OLFML2B: variants seen among roughly 807,000 people sequenced by gnomAD.
OLFML2B encodes the protein olfactomedin like 2B, also known as olfactomedin-like protein 2B.
OLFML2B carries 57 observed loss-of-function variants against 74.9 expected under a neutral mutation model. That is an observed-to-expected ratio of 0.76 (90% CI 0.61 to 0.95). The LOEUF (loss-of-function observed/expected upper bound fraction) is 0.95. Among genes scored for constraint, OLFML2B ranks in the 40% least tolerant of loss-of-function variants. The probability of loss-of-function intolerance (pLI) is 0.00; values close to 1 mark genes in which losing one functional copy is unlikely to be tolerated. For synonymous variants in OLFML2B, 388 were observed against 405.8 expected, an observed-to-expected ratio of 0.96 and a Z score of 0.53; for missense variants, 986 against 970.6, an observed-to-expected ratio of 1.02 and a Z score of -0.21.
At chr1:161,988,518 T>C (rs1427619841) in intron 6 of OLFML2B, among the ~76,000 whole-genome samples, 1 of 152,132 alleles carries the variant, frequency 6.6e-6, no homozygotes, top group Admixed American at 6.5e-5. Flanking sequence ...CTCTGTTTTT[T>C]GCTTGGAAAC....
In OLFML2B at chr1:161,998,325, T is replaced by C. The variant is rs765068276; in HGVS notation, c.974A>G (p.Asn325Ser). 3.2e-6 allele frequency: 5 copies of C among 1,562,038 alleles called. No individual in the cohort carries two copies. Among genetic ancestry groups the C allele is most frequent in the Admixed American group, 3.7e-5 (2 of 54,462 alleles). Residue 325 changes from asparagine (N) to serine (S), a missense_variant, in exon 6 of 8, where the codon AAT becomes AGT. By Grantham distance (46) the Asn-to-Ser change is conservative (BLOSUM62 1). Transcript: ENST00000294794. Reference protein sequence around the residue: ...EQQDEFFSGDNGVDLLIEDQL... With the variant: ...EQQDEFFSGDSGVDLLIEDQL... The stretch of plus-strand genomic sequence containing the variant: ...ATCTTCAATCAGCAAATCCACTCCA[T>C]TGTCACCGCTGAAAAACTCATCTTC...
chr1:162,023,140 C>CT lies in OLFML2B; in HGVS notation c.174+116dup, dbSNP rs1266385619. 4.6e-5 allele frequency: 46 copies of CT among 1,002,274 alleles called. No homozygotes were observed. In the Admixed American group the frequency reaches 5.7e-4, roughly 12 times the overall value. 62.1% of individuals were successfully genotyped at this position (1,002,274 alleles called of 1,614,324 possible). A position where few individuals can be genotyped will look rare whatever the true frequency, so the allele number is the denominator to read the frequency against. On this transcript the variant is annotated intron_variant, in intron 1 of 7. Coordinates refer to ENST00000294794, the MANE Select transcript of OLFML2B (RefSeq NM_015441.3). ...TCCGATACATGAAAAATCAAAAGCC[C>CT]TTTCCATTGGTAATGGAAGGAAAAA...
intron 3 of OLFML2B, among the ~76,000 whole-genome samples, chr1:162,010,990 T>C (rs919699742): frequency 6.6e-6 from 1 of 151,990 alleles, no homozygotes; most frequent in African/African-American, 2.4e-5. Context: ...GAGGGACCCT[T>C]GGGGTCTCCA....
chr1:162,022,265 T>TTTG lies in OLFML2B; in HGVS notation c.174+991_174+992insCAA, dbSNP rs1310471067. ...TCTTCTTTTTTTTTTTTTTTTTTTTTTTTGAGACGGAGTCTCACTCTGTCA... is the reference window on the plus strand; with the variant it reads ...TCTTCTTTTTTTTTTTTTTTTTTTTTTTGTTTGAGACGGAGTCTCACTCTGTCA... On this transcript the variant is annotated intron_variant, in intron 1 of 7. Coordinates refer to ENST00000294794, the MANE Select transcript of OLFML2B (RefSeq NM_015441.3). 6.2e-4 allele frequency among the ~76,000 whole-genome samples: 89 copies of TTTG among 144,300 alleles called. 1 individual carries two copies. The highest frequency in any genetic ancestry group is 2.2e-3 in the African/African-American group (85 of 38,636). 94.7% of individuals were successfully genotyped at this position (144,300 alleles called of 152,430 possible).
At position 162,020,155 on chromosome 1, in the gene OLFML2B, C is replaced by G. The variant is rs775899611; in HGVS notation, c.202G>C (p.Ala68Pro). The G allele has an allele frequency of 1.9e-6, 3 of 1,614,066 alleles. No individual in the cohort carries two copies. Among genetic ancestry groups the G allele is most frequent in the Non-Finnish European group, 2.5e-6 (3 of 1,180,024 alleles). The change falls in exon 2 of 8, where the codon GCT becomes CCT. Residue 68 changes from alanine (A) to proline (P), a missense_variant. Transcript: ENST00000294794. The stretch of plus-strand genomic sequence containing the variant: ...TGACAGTCCGAGCCCTCAGACATAG[C>G]CTTGACCTTGTCATAGTCCCCCAGC... The part of the protein sequence containing the change: ...QLLGDYDKVK[A>P]MSEGSDCQCK...
chr1:162,003,244 C>T (rs1450390219), intron 4 of OLFML2B, among the ~76,000 whole-genome samples: 1 of 152,220 alleles, frequency 6.6e-6, no homozygotes, highest in Non-Finnish European at 1.5e-5. Flanking sequence ...TGGGAGATCC[C>T]TCATTTCCCA....
chr1:162,008,722 C>T (rs1198577720), intron 3 of OLFML2B, among the ~76,000 whole-genome samples: 1 of 152,160 alleles, frequency 6.6e-6, no homozygotes, highest in Non-Finnish European at 1.5e-5. Flanking sequence ...GAATCAGTAT[C>T]TGTATTTTAA....
intron 3 of OLFML2B, among the ~76,000 whole-genome samples, chr1:162,009,634 C>A (rs1052432193): frequency 6.6e-6 from 1 of 152,222 alleles, no homozygotes; most frequent in African/African-American, 2.4e-5. Context: ...ATTCCCCTCA[C>A]GGGAATGGCA....
chr1:162,002,692 T>C (rs759433184), intron 4 of OLFML2B, among the ~76,000 whole-genome samples: 1 of 152,140 alleles, frequency 6.6e-6, no homozygotes, highest in Non-Finnish European at 1.5e-5. Flanking sequence ...CAGCACACAG[T>C]GGTGACCGAC....
At chr1:162,012,773 T>C (rs1172102713) in intron 3 of OLFML2B, among the ~76,000 whole-genome samples, 1 of 152,102 alleles carries the variant, frequency 6.6e-6, no homozygotes, top group African/African-American at 2.4e-5. Context: ...CAAGCACTTA[T>C]AAACACTTAC....
In OLFML2B at chr1:161,987,975, T is replaced by C. The variant is rs1170831505; in HGVS notation, c.1475-2995A>G. Among the ~76,000 whole-genome samples, 3 of 152,198 alleles carry C rather than the reference T, an allele frequency of 2.0e-5. 1 individual carries two copies. Among genetic ancestry groups the C allele is most frequent in the Non-Finnish European group, 1.5e-5 (1 of 68,006 alleles). The stretch of plus-strand genomic sequence containing the variant: ...GACGCATCACTGTGCTCTGAGAATC[T>C]GGGGCAGCTCAGATGCTCCCACACT... On this transcript the variant is annotated intron_variant, in intron 6 of 7. Coordinates refer to ENST00000294794, the MANE Select transcript of OLFML2B (RefSeq NM_015441.3).
chr1:161,992,680 G>T (rs1052058344), intron 6 of OLFML2B, among the ~76,000 whole-genome samples: 1 of 152,190 alleles, frequency 6.6e-6, no homozygotes, highest in Non-Finnish European at 1.5e-5. Context: ...GAGGCCCAAG[G>T]AGTGGGAGAG....
In OLFML2B at chr1:161,983,978, C is replaced by T. The variant is rs1286809124; in HGVS notation, c.1950G>A (p.Lys650=). The change falls in exon 8 of 8, where the codon AAG becomes AAA. Residue 650 remains lysine (K), a synonymous_variant. Transcript: ENST00000294794. ...GFSQEVIVLS[K]LNAADLSTQK... ...GTGTGCTCAGGTCCGCGGCATTGAG[C>T]TTGCTCAGGACAATGACCTCCTGGC... is the stretch of plus-strand genomic sequence containing the variant. 1 of 1,614,246 alleles carries T rather than the reference C, an allele frequency of 6.2e-7. No homozygotes were observed. Among genetic ancestry groups the T allele is most frequent in the Non-Finnish European group, 8.5e-7 (1 of 1,180,048 alleles).
At chr1:161,984,677 C>G in intron 7 of OLFML2B, 127 bp downstream of exon 7, 1 of 1,004,012 alleles carries the variant, frequency 1.0e-6, no homozygotes. Context: ...AGGAAAGGTC[C>G]TTTAGCCATC....
At chr1:161,990,720 A>G (rs1053745045) in intron 6 of OLFML2B, among the ~76,000 whole-genome samples, 2 of 152,158 alleles carry the variant, frequency 1.3e-5, no homozygotes, top group African/African-American at 4.8e-5. Context: ...TGCTGCATCA[A>G]TTGACTCTTC....
chr1:161,984,232 T>G lies in OLFML2B; in HGVS notation c.1696A>C (p.Thr566Pro). The G allele has an allele frequency of 2.6e-6, 4 of 1,542,762 alleles. No individual in the cohort carries two copies. The highest frequency in any genetic ancestry group is 2.6e-6 in the Non-Finnish European group (3 of 1,146,180). The stretch of plus-strand genomic sequence containing the variant: ...GCGCCATTGTATACCACGTGGCCTG[T>G]GCCGATCCAGCTGTACGGGAGCTTG... ...SYKLPYSWIG[T>P]GHVVYNGAFY... Residue 566 changes from threonine to proline, a missense_variant, in exon 8 of 8, where the codon ACA (threonine) becomes CCA (proline). Physicochemically the swap from Thr to Pro is conservative, Grantham distance 38. Coordinates refer to ENST00000294794, the MANE Select transcript of OLFML2B (RefSeq NM_015441.3).
intron 3 of OLFML2B, among the ~76,000 whole-genome samples, chr1:162,010,212 C>T (rs1252301611): frequency 1.3e-5 from 2 of 152,216 alleles, no homozygotes; most frequent in Non-Finnish European, 1.5e-5. Flanking sequence ...GGAACGTTGT[C>T]ATCATGATTC....
chr1:161,997,665 T>C (rs1447797064), intron 6 of OLFML2B, among the ~76,000 whole-genome samples, 160 bp downstream of exon 6: 2 of 152,202 alleles, frequency 1.3e-5, no homozygotes, highest in Non-Finnish European at 2.9e-5. Flanking sequence ...AAATAAACCC[T>C]AGATGTTAAA....
chr1:161,997,168 A>C (rs1024074826), intron 6 of OLFML2B, among the ~76,000 whole-genome samples: 3 of 152,192 alleles, frequency 2.0e-5, no homozygotes, highest in Admixed American at 6.5e-5. Context: ...AAAAAGAAAA[A>C]AAAAGAAAAC....
Sources: gnomAD v4.1 joint callset for allele counts (sites outside exome capture counted in the v4.1 genomes callset) on GRCh38, gnomAD v4.1.1 for gene constraint, MANE v1.5 for transcripts, NCBI Gene and HGNC (gene_info 2026-07-23, HGNC 2026-07-21) for gene names.